The following LPP variants were observed in gnomAD, a reference collection of about 807,000 sequenced individuals.
The protein encoded by LPP is lipoma-preferred partner.
LPP carries 38 observed loss-of-function variants against 60.4 expected under a neutral mutation model. The observed-to-expected ratio is 0.63, with a 90% CI of 0.49 to 0.83. The LOEUF is 0.83. LPP is among the 40% of genes least tolerant of loss of function. The pLI is 0.00. For synonymous variants in LPP, 328 were observed against 290.8 expected (o/e 1.13, Z -1.30); for missense variants, 902 against 783.6 (o/e 1.15, Z -1.80).
At chr3:188,375,103 G>T (rs928881443) in intron 3 of LPP, among the ~76,000 whole-genome samples, 22 of 152,048 alleles carry the variant, frequency 1.4e-4, no homozygotes, top group Non-Finnish European at 2.2e-4. Context: ...GCTGGATTCG[G>T]TTTGCCAGTA....
chr3:188,327,790 G>A (rs1470192526), intron 2 of LPP, among the ~76,000 whole-genome samples: 1 of 152,160 alleles, frequency 6.6e-6, no homozygotes, highest in Non-Finnish European at 1.5e-5. Flanking sequence ...GTGCTAGGGA[G>A]AGAGGGAACA....
At chr3:188,465,299 G>T (rs11715572) in intron 4 of LPP, among the ~76,000 whole-genome samples, 24,433 of 152,112 alleles carry the variant, frequency 0.16, 2,241 homozygotes, top group East Asian at 0.27. Flanking sequence ...TAACTATGAT[G>T]AGTGGGTTGG....
chr3:188,485,593 C>T (rs1189778463), intron 5 of LPP, among the ~76,000 whole-genome samples: 3 of 151,348 alleles, frequency 2.0e-5, no homozygotes, highest in Non-Finnish European at 4.4e-5. Flanking sequence ...GTCAGGAGAT[C>T]GAGACCATCC....
intron 6 of LPP, among the ~76,000 whole-genome samples, chr3:188,554,350 C>G (rs1326091612): frequency 1.3e-5 from 2 of 152,120 alleles, no homozygotes; most frequent in African/African-American, 4.8e-5. Context: ...TTCTAACTTG[C>G]AAATAGAGCT....
intron 5 of LPP, among the ~76,000 whole-genome samples, chr3:188,512,209 C>T (rs1218974190): frequency 6.6e-6 from 1 of 152,156 alleles, no homozygotes; most frequent in African/African-American, 2.4e-5. Context: ...CATCTTTTAT[C>T]TGCACATCCT....
intron 1 of LPP, among the ~76,000 whole-genome samples, chr3:188,177,969 A>G (rs1723579004): frequency 1.3e-5 from 2 of 152,208 alleles, no homozygotes; most frequent in Admixed American, 6.5e-5. Context: ...AATTCCATAC[A>G]TGCTCTTTTC....
intron 2 of LPP, among the ~76,000 whole-genome samples, chr3:188,291,899 T>C (rs1746115822): frequency 6.6e-6 from 1 of 152,170 alleles, no homozygotes; most frequent in Admixed American, 6.5e-5. Flanking sequence ...GGGTGCTTTC[T>C]GCTCCACCAC....
chr3:188,278,735 C>T (rs942706185), intron 2 of LPP, among the ~76,000 whole-genome samples: 19 of 151,958 alleles, frequency 1.3e-4, no homozygotes, highest in African/African-American at 4.4e-4. Context: ...GGGGCATTCT[C>T]GAGAACTTGG....
chr3:188,765,769 T>G (rs1291709259), intron 9 of LPP, among the ~76,000 whole-genome samples: 2 of 151,242 alleles, frequency 1.3e-5, no homozygotes, highest in African/African-American at 2.4e-5. Context: ...CTCAAACTCC[T>G]GGGATAAAAT....
intron 9 of LPP, among the ~76,000 whole-genome samples, chr3:188,831,234 G>C (rs901125515): frequency 6.6e-6 from 1 of 152,186 alleles, no homozygotes; most frequent in African/African-American, 2.4e-5. Context: ...CCAAAGACAT[G>C]ATGACACCAC....
intron 1 of LPP, among the ~76,000 whole-genome samples, chr3:188,195,738 TG>T (rs1729350977): frequency 6.6e-6 from 1 of 152,240 alleles, no homozygotes; most frequent in African/African-American, 2.4e-5. Context: ...GATAATATTT[TG>T]GATATATTGG....
chr3:188,188,960 A>AAGC (rs746720342), intron 1 of LPP, among the ~76,000 whole-genome samples: 9,532 of 145,610 alleles, frequency 0.065, 439 homozygotes, highest in East Asian at 0.21. Flanking sequence ...TATGGAAAAG[A>AAGC]CCTAAGCTTA....
chr3:188,839,799 AC>A (rs1430691908), intron 9 of LPP, among the ~76,000 whole-genome samples: 1 of 152,090 alleles, frequency 6.6e-6, no homozygotes, highest in Non-Finnish European at 1.5e-5. Flanking sequence ...AATCCCTTGA[AC>A]CAGGGAGTCG....
At chr3:188,507,867 C>A (rs1410116173) in intron 5 of LPP, among the ~76,000 whole-genome samples, 2 of 152,166 alleles carry the variant, frequency 1.3e-5, no homozygotes, top group Admixed American at 1.3e-4. Context: ...GTAAAAGTTT[C>A]CCTGACTGCT....
Position 188,886,986 on chromosome 3 carries a change from ATTCTCTCTT to A in LPP, c.*12509_*12517del. On this transcript the variant is annotated 3_prime_UTR_variant, in exon 12 of 12. Transcript: ENST00000617246. ...AACAGGTATTTATCTCTCATGCGTG[ATTCTCTCTT>A]TATATTTCTATCTGTTGGGAAAAGG... is the stretch of plus-strand genomic sequence containing the variant. The A allele has an allele frequency of 2.6e-5, 6 of 231,566 alleles. No homozygotes were observed. The highest frequency in any genetic ancestry group is 4.3e-5 in the Non-Finnish European group (5 of 117,030). 14.3% of individuals were successfully genotyped at this position (231,566 alleles called of 1,614,324 possible). A position where few individuals can be genotyped will look rare whatever the true frequency, so the allele number is the denominator to read the frequency against.
In LPP at chr3:188,318,421, A is replaced by AAC. The variant is rs1174886555; in HGVS notation, c.-66-23241_-66-23240insCA. Among the ~76,000 whole-genome samples, 137 of 140,808 alleles carry AAC rather than the reference A, an allele frequency of 9.7e-4. 1 individual carries two copies. The highest frequency in any genetic ancestry group is 4.7e-3 in the South Asian group (21 of 4,498). 92.4% of individuals were successfully genotyped at this position (140,808 alleles called of 152,430 possible). A position where few individuals can be genotyped will look rare whatever the true frequency, so the allele number is the denominator to read the frequency against. ...AAAACTAGGATTTCCAAAAAAACAA[A>AAC]AAAAAAAAAGAAAAACAAAACTCAT... is the stretch of plus-strand genomic sequence containing the variant. On this transcript the variant is annotated intron_variant, in intron 2 of 11. Transcript: ENST00000617246.
intron 3 of LPP, among the ~76,000 whole-genome samples, chr3:188,357,717 A>G (rs1356019945): frequency 3.3e-5 from 5 of 152,256 alleles, no homozygotes; most frequent in Non-Finnish European, 5.9e-5. Context: ...AATAAAACAG[A>G]AAGCATTCTG....
At position 188,422,892 on chromosome 3, in the gene LPP, T is replaced by G. The variant is rs187766015; in HGVS notation, c.193+16579T>G. Reference sequence around the variant, plus strand: ...GGTTACGCTAATGTTCCTTACCATATTTTTCTTTTTGGTGTCTTCTTTGTG... The same window carrying G: ...GGTTACGCTAATGTTCCTTACCATAGTTTTCTTTTTGGTGTCTTCTTTGTG... On this transcript the variant is annotated intron_variant, in intron 4 of 11. Coordinates refer to ENST00000617246, the MANE Select transcript of LPP (RefSeq NM_001375462.1). Among the ~76,000 whole-genome samples the G allele has an allele frequency of 1.1e-3, 148 of 136,702 alleles. 2 individuals carry two copies. The East Asian group carries it at 0.026, about 24-fold the overall frequency. 89.7% of individuals were successfully genotyped at this position (136,702 alleles called of 152,430 possible).
chr3:188,335,857 C>T (rs1180982524), intron 2 of LPP, among the ~76,000 whole-genome samples: 2 of 152,118 alleles, frequency 1.3e-5, no homozygotes, highest in Non-Finnish European at 2.9e-5. Flanking sequence ...CTCTTCTATA[C>T]AAACTTTCTG....
Sources: allele counts gnomAD v4.1 joint callset (sites outside exome capture counted in the v4.1 genomes callset), GRCh38; gene constraint gnomAD v4.1.1; transcripts MANE v1.5; gene names NCBI Gene and HGNC (gene_info 2026-07-23, HGNC 2026-07-21).